Variants in TANK observed in about 807,000 individuals in gnomAD.
TANK encodes TRAF family member-associated NF-kappa-B activator.
A neutral mutation model predicts 43.6 loss-of-function variants in TANK; 15 were observed. The observed-to-expected ratio is 0.34, with a 90% confidence interval of 0.23 to 0.53. The LOEUF (loss-of-function observed/expected upper bound fraction) is 0.53. Ranked by LOEUF, TANK falls within the 20% of genes least tolerant of loss-of-function variation. The probability of loss-of-function intolerance (pLI) is 0.94; values close to 1 mark genes in which losing one functional copy is unlikely to be tolerated. For synonymous variants in TANK, 162 were observed against 178.2 expected, an observed-to-expected ratio of 0.91 and a Z score of 0.73; for missense variants, 417 against 498.6, an observed-to-expected ratio of 0.84 and a Z score of 1.56.
chr2:161,152,327 G>A (rs528905555), intron 1 of TANK, among the ~76,000 whole-genome samples: 1 of 152,190 alleles, frequency 6.6e-6, no homozygotes, highest in African/African-American at 2.4e-5. Context: ...TTTAGGGTAA[G>A]TCTACTAACA....
chr2:161,213,643 GT>G (rs1312644782), intron 4 of TANK, among the ~76,000 whole-genome samples: 424 of 136,634 alleles, frequency 3.1e-3, no homozygotes, highest in African/African-American at 7.4e-3. Flanking sequence ...TGTTTTGAAG[GT>G]TTTTTTTTTT....
At chr2:161,212,784 T>C (rs1686949079) in intron 4 of TANK, 1 of 985,044 alleles carries the variant, frequency 1.0e-6, no homozygotes, top group African/African-American at 1.7e-5. Context: ...TGAAAGGCTG[T>C]TCTCTAAACC....
At position 161,231,138 on chromosome 2, in the gene TANK, T is replaced by G; in HGVS notation, c.688T>G (p.Ser230Ala). Residue 230 changes from serine to alanine, a missense_variant, in exon 7 of 8, where the codon TCT becomes GCT. Coordinates refer to ENST00000392749, the MANE Select transcript of TANK (RefSeq NM_001199135.3). Reference protein sequence around the residue: ...DEEDTSFESLSKFNVKFPPMD... With the variant: ...DEEDTSFESLAKFNVKFPPMD... ...GGAAGACACCTCTTTTGAATCACTT[T>G]CTAAATTCAATGTCAAGTTTCCACC... 6.2e-7 allele frequency: 1 copy of G among 1,614,096 alleles called. No individual in the cohort carries two copies. The highest frequency in any genetic ancestry group is 1.1e-5 in the South Asian group (1 of 91,082).
chr2:161,140,374 T>G (rs571644817), intron 1 of TANK, among the ~76,000 whole-genome samples: 40 of 152,276 alleles, frequency 2.6e-4, no homozygotes, highest in African/African-American at 9.4e-4. Flanking sequence ...TAAAAATTTT[T>G]CAAATATATT....
chr2:161,231,966 A>G (rs189559630), intron 7 of TANK, among the ~76,000 whole-genome samples: 3 of 152,300 alleles, frequency 2.0e-5, no homozygotes, highest in African/African-American at 7.2e-5. Flanking sequence ...TAAGTAAATA[A>G]TTGCATCTTA....
chr2:161,204,990 G>GT, intron 4 of TANK, 197 bp downstream of exon 4: 1 of 1,336,428 alleles, frequency 7.5e-7, no homozygotes, highest in South Asian at 1.7e-5. Flanking sequence ...CCTACTGACC[G>GT]TTTTTCTACA....
At chr2:161,189,863 G>A (rs1016820152) in intron 2 of TANK, among the ~76,000 whole-genome samples, 1 of 152,094 alleles carries the variant, frequency 6.6e-6, no homozygotes, top group Non-Finnish European at 1.5e-5. Context: ...AATGCAAGAG[G>A]TAAAAACCAT....
chr2:161,200,729 A>G (rs1348868952), intron 2 of TANK: 1 of 185,786 alleles, frequency 5.4e-6, no homozygotes, highest in Non-Finnish European at 1.0e-5. Context: ...GAGAAATATA[A>G]GCAAAAGCAT....
intron 2 of TANK, among the ~76,000 whole-genome samples, chr2:161,194,409 G>A (rs984183389): frequency 6.6e-6 from 1 of 152,064 alleles, no homozygotes. Context: ...CAGATGCTAT[G>A]ATGTATTAAC....
chr2:161,198,059 A>T (rs1029496703), intron 2 of TANK, among the ~76,000 whole-genome samples: 2 of 152,210 alleles, frequency 1.3e-5, no homozygotes, highest in African/African-American at 4.8e-5. Context: ...AGATACGGAG[A>T]TGAGACTCAA....
intron 4 of TANK, among the ~76,000 whole-genome samples, chr2:161,221,997 T>A (rs562544390): frequency 6.6e-6 from 1 of 152,134 alleles, no homozygotes; most frequent in East Asian, 1.9e-4. Context: ...CCACACTAGT[T>A]ATCAAATCCA....
In TANK at chr2:161,201,384, T is replaced by C. The variant is rs1046571096; in HGVS notation, c.100-2103T>C. 10 of 605,432 alleles carry C rather than the reference T, an allele frequency of 1.7e-5. No individual in the cohort carries two copies. The African/African-American group carries it at 1.8e-4, about 11-fold the overall frequency. 37.5% of individuals were successfully genotyped at this position (605,432 alleles called of 1,614,324 possible). On this transcript the variant is annotated intron_variant, in intron 2 of 7. Transcript: ENST00000392749. ...TAAAAATTAACTGGCAGAAGCTTTC[T>C]GAGTTGGTTTCAAAAGAAAATATAT...
chr2:161,233,365 C>T (rs1688015248), intron 7 of TANK, among the ~76,000 whole-genome samples: 1 of 151,982 alleles, frequency 6.6e-6, no homozygotes, highest in African/African-American at 2.4e-5. Context: ...CCATCACACT[C>T]CAGCCTGGGT....
chr2:161,224,746 G>A lies in TANK; in HGVS notation c.520G>A (p.Glu174Lys). ...ACTTAATATACCAGACACTGCAACTGGTAAGATTTAATTTAATTTACAGTA... is the reference window on the plus strand; with the variant it reads ...ACTTAATATACCAGACACTGCAACTAGTAAGATTTAATTTAATTTACAGTA... ...SKLNIPDTAT[E>K]TQCSVPIQCT... is the part of the protein sequence containing the mutation. Residue 174 changes from glutamate to lysine, a missense_variant and splice_region_variant, in exon 6 of 8, where the codon GAA becomes AAA. Coordinates refer to ENST00000392749, the MANE Select transcript of TANK (RefSeq NM_001199135.3). The A allele has an allele frequency of 6.8e-7, 1 of 1,479,000 alleles. No individual in the cohort carries two copies. The highest frequency in any genetic ancestry group is 1.3e-5 in the South Asian group (1 of 74,432). 91.6% of individuals were successfully genotyped at this position (1,479,000 alleles called of 1,614,324 possible).
chr2:161,160,378 G>T (rs1231769346), upstream of TANK: 8 of 1,213,116 alleles, frequency 6.6e-6, no homozygotes, highest in African/African-American at 1.6e-5. Flanking sequence ...GGCTCCGCGC[G>T]CAGGCACTGC....
chr2:161,186,074 G>A (rs1403787068), intron 2 of TANK, among the ~76,000 whole-genome samples: 2 of 152,160 alleles, frequency 1.3e-5, no homozygotes, highest in African/African-American at 4.8e-5. Context: ...GGAGGCTGAG[G>A]TGGGAGGATT....
In TANK at chr2:161,195,188, G is replaced by A. The variant is rs1323821056; in HGVS notation, c.100-8299G>A. Among the ~76,000 whole-genome samples the A allele has an allele frequency of 2.6e-5, 4 of 152,244 alleles. No individual in the cohort carries two copies. The East Asian group carries it at 7.7e-4, about 29-fold the overall frequency. On this transcript the variant is annotated intron_variant, in intron 2 of 7. Transcript: ENST00000392749. ...TGATATTCATTCAAAAATATATTGA[G>A]CAGCTACTATGTATCCGGAACTGCA...
At chr2:161,151,993 A>C (rs1241506310) in intron 1 of TANK, among the ~76,000 whole-genome samples, 1 of 152,108 alleles carries the variant, frequency 6.6e-6, no homozygotes, top group Non-Finnish European at 1.5e-5. Context: ...TAACAACCTA[A>C]ATTTATAACA....
At chr2:161,213,417 A>G (rs1342299660) in intron 4 of TANK, among the ~76,000 whole-genome samples, 1 of 152,112 alleles carries the variant, frequency 6.6e-6, no homozygotes, top group Non-Finnish European at 1.5e-5. Context: ...AACCTGGCCA[A>G]CGTGATGAAA....
Sources: allele counts gnomAD v4.1 joint callset (sites outside exome capture counted in the v4.1 genomes callset), GRCh38; gene constraint gnomAD v4.1.1; transcripts MANE v1.5; gene names NCBI Gene and HGNC (gene_info 2026-07-23, HGNC 2026-07-21).